The following MSH6 variants were observed in gnomAD, a reference collection of about 807,000 sequenced individuals.
The protein encoded by MSH6 is DNA mismatch repair protein Msh6.
Under a neutral mutation model 119.1 loss-of-function variants are expected in MSH6, and 85 were observed. That is an observed-to-expected ratio of 0.71 (90% CI 0.60 to 0.85). The LOEUF (loss-of-function observed/expected upper bound fraction) is 0.85. Ranked by LOEUF, MSH6 falls within the 40% of genes least tolerant of loss-of-function variation. The probability of loss-of-function intolerance (pLI) is 0.00; values close to 1 mark genes in which losing one functional copy is unlikely to be tolerated. For missense variants in MSH6, 2,163 were observed against 1,655.3 expected, an observed-to-expected ratio of 1.31 and a Z score of -5.32; for synonymous variants, 830 against 586.9, an observed-to-expected ratio of 1.41 and a Z score of -5.99.
intron 1 of MSH6, among the ~76,000 whole-genome samples, chr2:47,787,649 G>A (rs1240050729): frequency 6.6e-6 from 1 of 152,040 alleles, no homozygotes; most frequent in Non-Finnish European, 1.5e-5. Context: ...GCAGTGTTTT[G>A]CTTTGTTGCC....
downstream of MSH6, chr2:47,807,217 CAAA>C (rs55762324): frequency 4.1e-6 from 1 of 241,348 alleles, no homozygotes; most frequent in Non-Finnish European, 8.1e-6. Context: ...CTAAACTGTT[CAAA>C]AAAAAACTAT....
At chr2:47,788,922 GT>G (rs1558650240) in intron 1 of MSH6, among the ~76,000 whole-genome samples, 111 of 40,934 alleles carry the variant, frequency 2.7e-3, no homozygotes, top group East Asian at 0.013. Context: ...TTTTTTTTTT[GT>G]TTTTTTTTTT....
rs1670215600 is a variant in MSH6, at chr2:47,806,811, T to G, written c.4034T>G (p.Val1345Gly). The G allele has an allele frequency of 6.2e-7, 1 of 1,611,568 alleles. No homozygotes were observed. Among genetic ancestry groups the G allele is most frequent in the South Asian group, 1.1e-5 (1 of 90,574 alleles). The change falls in exon 10 of 10, where the codon GTA (valine) becomes GGA (glycine). Residue 1345 changes from valine to glycine, a missense_variant. Transcript: ENST00000234420. The part of the protein sequence containing the change: ...EVCLASERST[V>G]DAEAVHKLLT... Reference sequence around the variant, plus strand: ...TGCCTGGCTAGTGAAAGGTCAACTGTAGATGCTGAAGCTGTCCATAAATTG... The same window carrying G: ...TGCCTGGCTAGTGAAAGGTCAACTGGAGATGCTGAAGCTGTCCATAAATTG...
At chr2:47,802,633 CTGT>C (rs1669668528) in intron 4 of MSH6, among the ~76,000 whole-genome samples, 1 of 143,834 alleles carries the variant, frequency 7.0e-6, no homozygotes, top group Non-Finnish European at 1.5e-5. Context: ...GCGCCCAGCC[CTGT>C]TTTTTTTTTT....
chr2:47,800,868 T>C lies in MSH6; in HGVS notation c.2885T>C (p.Ile962Thr), dbSNP rs778287080. 3 of 1,613,570 alleles carry C rather than the reference T, an allele frequency of 1.9e-6. No homozygotes were observed. Among genetic ancestry groups the C allele is most frequent in the African/African-American group, 2.7e-5 (2 of 74,864 alleles). Residue 962 changes from isoleucine (I) to threonine (T), a missense_variant, in exon 4 of 10, where the codon ATT (isoleucine) becomes ACT (threonine). Physicochemically the swap from Ile to Thr is moderately conservative, Grantham distance 89. Coordinates refer to ENST00000234420, the MANE Select transcript of MSH6 (RefSeq NM_000179.3). ...TACCTAGAGAAACAGCGCAACAGAA[T>C]TGGCTGTAGGACCATAGTCTATTGG... is the stretch of plus-strand genomic sequence containing the variant. ...LEYLEKQRNRIGCRTIVYWGI... is the reference protein window; with the variant it reads ...LEYLEKQRNRTGCRTIVYWGI...
chr2:47,795,982 C>G lies in MSH6; in HGVS notation c.546C>G (p.Ala182=). Residue 182 remains alanine, a synonymous_variant, in exon 3 of 10, where the codon GCC becomes GCG. Coordinates refer to ENST00000234420, the MANE Select transcript of MSH6 (RefSeq NM_000179.3). ...ILRAMQRADE[A]LNKDKIKRLE... ...GAGCAATGCAACGTGCAGATGAAGCCTTAAATAAAGACAAGATTAAGAGGC... is the reference window on the plus strand; with the variant it reads ...GAGCAATGCAACGTGCAGATGAAGCGTTAAATAAAGACAAGATTAAGAGGC... The G allele has an allele frequency of 6.2e-7, 1 of 1,614,080 alleles. No individual in the cohort carries two copies. Among genetic ancestry groups the G allele is most frequent in the Non-Finnish European group, 8.5e-7 (1 of 1,180,028 alleles).
At position 47,795,919 on chromosome 2, in the gene MSH6, G is replaced by A. The variant is rs63751030; in HGVS notation, c.483G>A (p.Lys161=). The A allele has an allele frequency of 6.2e-7, 1 of 1,614,122 alleles. No homozygotes were observed. The highest frequency in any genetic ancestry group is 1.1e-5 in the South Asian group (1 of 91,082). The change falls in exon 3 of 10, where the codon AAG becomes AAA. Residue 161 remains lysine, a synonymous_variant. Coordinates refer to ENST00000234420, the MANE Select transcript of MSH6 (RefSeq NM_000179.3). ...YTGSKSKEAQ[K]GGHFYSAKPE... is the part of the protein sequence containing the mutation. ...GTTCAAAATCAAAGGAAGCCCAGAAGGGAGGTCATTTTTACAGTGCAAAGC... is the reference window on the plus strand; with the variant it reads ...GTTCAAAATCAAAGGAAGCCCAGAAAGGAGGTCATTTTTACAGTGCAAAGC...
At chr2:47,785,304 T>C (rs1668285689) in intron 1 of MSH6, among the ~76,000 whole-genome samples, 1 of 152,128 alleles carries the variant, frequency 6.6e-6, no homozygotes. Context: ...CTCGGCTCAC[T>C]GCAACCTCTG....
At chr2:47,801,243 T>G in intron 4 of MSH6, 88 bp downstream of exon 4, 2 of 1,370,408 alleles carry the variant, frequency 1.5e-6, no homozygotes, top group Non-Finnish European at 2.0e-6. Flanking sequence ...AGTAATAAGG[T>G]ATATATGGTA....
chr2:47,800,272 T>TA lies in MSH6; in HGVS notation c.2290dup (p.Thr764AsnfsTer8), dbSNP rs1553413663. The stretch of plus-strand genomic sequence containing the variant: ...AAGGAACCCTACTAGAGAGGGTTGA[T>TA]ACTTGCCATACTCCTTTTGGTAAGC... On this transcript the variant is annotated frameshift_variant, in exon 4 of 10. Coordinates refer to ENST00000234420, the MANE Select transcript of MSH6 (RefSeq NM_000179.3). LOFTEE classifies it high-confidence loss of function. The TA allele has an allele frequency of 6.2e-7, 1 of 1,614,196 alleles. No individual in the cohort carries two copies. The highest frequency in any genetic ancestry group is 8.5e-7 in the Non-Finnish European group (1 of 1,180,032).
intron 4 of MSH6, among the ~76,000 whole-genome samples, chr2:47,801,560 G>C (rs535901882): frequency 1.3e-5 from 2 of 151,504 alleles, no homozygotes; most frequent in South Asian, 2.1e-4. Context: ...AGAGAGATGG[G>C]GTCTCACTGT....
rs886833823 is a variant in MSH6 at position 47,803,303 on chromosome 2, T to C, written c.3173-117T>C. The C allele has an allele frequency of 5.2e-6, 7 of 1,346,438 alleles. No homozygotes were observed. In the Admixed American group the frequency reaches 7.2e-5, roughly 14 times the overall value. The allele number at this position is 1,346,438 out of a possible 1,614,324, so 83.4% of individuals were successfully genotyped here. ...ATTTTGATGGGGGAGATCGTTGGAC[T>C]GTAATTGAAAGTTATGTCTTATAAT... On this transcript the variant is annotated intron_variant, in intron 4 of 9. Coordinates refer to ENST00000234420, the MANE Select transcript of MSH6 (RefSeq NM_000179.3).
intron 3 of MSH6, 57 bp downstream of exon 3, chr2:47,796,120 G>C: frequency 6.3e-7 from 1 of 1,578,156 alleles, no homozygotes; most frequent in Non-Finnish European, 8.7e-7. Context: ...GGGAAGAAAG[G>C]GGGAGGGTGT....
chr2:47,795,090 G>C (rs1668987821), intron 2 of MSH6, among the ~76,000 whole-genome samples: 1 of 152,154 alleles, frequency 6.6e-6, no homozygotes, highest in East Asian at 1.9e-4. Context: ...ATTGTGCCCA[G>C]CTAGTAAGTT....
chr2:47,789,387 T>C (rs905471942), intron 1 of MSH6: 2 of 448,470 alleles, frequency 4.5e-6, no homozygotes, highest in African/African-American at 4.1e-5. Flanking sequence ...TGATAATGGT[T>C]GGATCCAGCT....
chr2:47,803,393 C>G (rs2104470453), intron 4 of MSH6, 27 bp from the exon 5 acceptor site: 2 of 1,614,016 alleles, frequency 1.2e-6, no homozygotes, highest in Non-Finnish European at 1.7e-6. Context: ...AACGATGAAG[C>G]CTCACTTTTA....
intron 1 of MSH6, chr2:47,784,081 TG>T: frequency 1.0e-6 from 1 of 1,000,754 alleles, no homozygotes; most frequent in Non-Finnish European, 1.2e-6. Context: ...CGAGACGCCT[TG>T]GGGACGGTGG....
In MSH6 at chr2:47,800,421, A is replaced by G. The variant is rs1669464717; in HGVS notation, c.2438A>G (p.Lys813Arg). ...DKISEVVELL[K>R]KLPDLERLLS... ...ATCTCCGAAGTTGTAGAGCTTCTAA[A>G]GAAGCTTCCAGATCTTGAGAGGCTA... Residue 813 changes from lysine to arginine, a missense_variant, in exon 4 of 10, where the codon AAG becomes AGG. Physicochemically the swap from Lys to Arg is conservative, Grantham distance 26. Coordinates refer to ENST00000234420, the MANE Select transcript of MSH6 (RefSeq NM_000179.3). The G allele has an allele frequency of 6.2e-7, 1 of 1,614,138 alleles. No homozygotes were observed. The highest frequency in any genetic ancestry group is 8.5e-7 in the Non-Finnish European group (1 of 1,180,036).
rs1670073608 is a variant in MSH6 at position 47,806,376 on chromosome 2, T to G, written c.3801+18T>G. 1.2e-6 allele frequency: 2 copies of G among 1,613,936 alleles called. No homozygotes were observed. The highest frequency in any genetic ancestry group is 1.7e-5 in the Admixed American group (1 of 60,000). ...GACATATGGTATGTGCAAATTGTTT[T>G]TTTCCACAAATTCGGTTTTTTGAGA... On this transcript the variant is annotated intron_variant, in intron 8 of 9. Coordinates refer to ENST00000234420, the MANE Select transcript of MSH6 (RefSeq NM_000179.3).
Sources: allele counts gnomAD v4.1 joint callset (sites outside exome capture counted in the v4.1 genomes callset), GRCh38; gene constraint gnomAD v4.1.1; transcripts MANE v1.5; gene names NCBI Gene and HGNC (gene_info 2026-07-23, HGNC 2026-07-21).